Variants in PRKAR1A observed in about 807,000 individuals in gnomAD.
PRKAR1A encodes the protein protein kinase cAMP-dependent type I regulatory subunit alpha, also known as cAMP-dependent protein kinase type I-alpha regulatory subunit.
PRKAR1A carries 3 observed loss-of-function variants against 52.0 expected under a neutral mutation model. The ratio of observed to expected loss-of-function variants is 0.06; its 90% CI spans 0.03 to 0.15. PRKAR1A has a LOEUF of 0.15. Among genes scored for constraint, PRKAR1A ranks in the 10% least tolerant of loss-of-function variants. The probability of loss-of-function intolerance (pLI) is 1.00; values close to 1 mark genes in which losing one functional copy is unlikely to be tolerated. For synonymous variants in PRKAR1A, 188 were observed against 168.4 expected (o/e 1.12, Z -0.90); for missense variants, 240 against 477.4 (o/e 0.50, Z 4.63).
At chr17:68,416,883 T>G in the PRKAR1A span, among the ~76,000 whole-genome samples, 2 of 152,328 alleles carry the variant, frequency 1.3e-5, no homozygotes, top group African/African-American at 4.8e-5. Flanking sequence ...CTTGTATTGA[T>G]TTTTGGATTT....
the PRKAR1A span, chr17:68,427,208 G>GAGGTC: frequency 6.2e-7 from 1 of 1,614,212 alleles, no homozygotes; most frequent in Non-Finnish European, 8.5e-7. Context: ...AGGAAGGTCT[G>GAGGTC]AGGTCATTTT....
chr17:68,521,953 T>A (rs1192569047), intron 2 of PRKAR1A, among the ~76,000 whole-genome samples: 3 of 152,238 alleles, frequency 2.0e-5, no homozygotes, highest in Non-Finnish European at 4.4e-5. Flanking sequence ...AAAAGGAATG[T>A]TTAATAGTTT....
the PRKAR1A span, among the ~76,000 whole-genome samples, chr17:68,454,163 C>T: frequency 1.3e-5 from 2 of 152,188 alleles, no homozygotes. Flanking sequence ...AAGTAAACAT[C>T]AAAGTCAACT....
chr17:68,542,573 C>T lies in PRKAR1A; in HGVS notation c.974-8511C>T, dbSNP rs78241877. 1,141 of 789,738 alleles carry T rather than the reference C, an allele frequency of 1.4e-3. 10 individuals are homozygous for T. In the East Asian group the frequency reaches 0.021, roughly 15 times the overall value. 48.9% of individuals were successfully genotyped at this position (789,738 alleles called of 1,614,324 possible). A position where few individuals can be genotyped will look rare whatever the true frequency, so the allele number is the denominator to read the frequency against. On this transcript the variant is annotated intron_variant, in intron 11 of 11. Coordinates refer to the PRKAR1A transcript ENST00000585981. The stretch of plus-strand genomic sequence containing the variant: ...GGTGGGAGTGTCTTACAACTTCATA[C>T]GCCCATCCCAGTAATGGATAGTGCT...
upstream of PRKAR1A, among the ~76,000 whole-genome samples, chr17:68,509,618 T>C (rs1049608585): frequency 1.3e-5 from 2 of 152,194 alleles, no homozygotes; most frequent in African/African-American, 4.8e-5. Flanking sequence ...GTGGAACAAA[T>C]GTCATTTCTG....
the PRKAR1A span, among the ~76,000 whole-genome samples, chr17:68,414,907 T>C: frequency 6.6e-6 from 1 of 152,200 alleles, no homozygotes; most frequent in Non-Finnish European, 1.5e-5. Context: ...TTGAGTTTAT[T>C]TGGATTTTCT....
chr17:68,533,101 T>C lies in PRKAR1A; in HGVS notation c.*2652T>C. ...AGACTTAATGGGGAAACATCATTTC[T>C]AGATTAGCATACTCTTTGGTTTAAA... On this transcript the variant is annotated 3_prime_UTR_variant, in exon 11 of 11. Coordinates refer to ENST00000589228, the MANE Select transcript of PRKAR1A (RefSeq NM_002734.5). 1 of 1,065,116 alleles carries C rather than the reference T, an allele frequency of 9.4e-7. No individual in the cohort carries two copies. The highest frequency in any genetic ancestry group is 1.1e-6 in the Non-Finnish European group (1 of 879,116). The allele number at this position is 1,065,116 out of a possible 1,614,324, so 66.0% of individuals were successfully genotyped here.
the PRKAR1A span, chr17:68,457,253 C>T: frequency 6.8e-7 from 1 of 1,466,772 alleles, no homozygotes; most frequent in African/African-American, 1.5e-5. Flanking sequence ...CGCCTCGAGG[C>T]GGAAGCCACA....
chr17:68,494,460 T>A, the PRKAR1A span, among the ~76,000 whole-genome samples: 2 of 152,086 alleles, frequency 1.3e-5, no homozygotes, highest in South Asian at 2.1e-4. Flanking sequence ...GAGAATCGCT[T>A]GAACCCAGGA....
At chr17:68,472,833 T>C in the PRKAR1A span, among the ~76,000 whole-genome samples, 1 of 150,348 alleles carries the variant, frequency 6.7e-6, no homozygotes, top group African/African-American at 2.5e-5. Context: ...GTAATTCCAG[T>C]TACCCAGAGG....
At chr17:68,481,536 A>T in the PRKAR1A span, among the ~76,000 whole-genome samples, 1 of 152,208 alleles carries the variant, frequency 6.6e-6, no homozygotes, top group Non-Finnish European at 1.5e-5. Flanking sequence ...TCTTGCTGCT[A>T]TAATAATCTA....
At chr17:68,444,397 C>T in the PRKAR1A span, 3 of 1,121,838 alleles carry the variant, frequency 2.7e-6, no homozygotes, top group Non-Finnish European at 4.0e-6. Flanking sequence ...AAAGCAAACA[C>T]TGCTTCACGT....
chr17:68,471,209 T>G, the PRKAR1A span, among the ~76,000 whole-genome samples: 2 of 152,198 alleles, frequency 1.3e-5, no homozygotes, highest in Non-Finnish European at 2.9e-5. Context: ...CACTTGTGGA[T>G]GCAATACTAT....
chr17:68,483,801 C>T, the PRKAR1A span, among the ~76,000 whole-genome samples: 1 of 150,334 alleles, frequency 6.7e-6, no homozygotes, highest in Non-Finnish European at 1.5e-5. Context: ...GTGGAGGTTG[C>T]GGTGAGCTGA....
chr17:68,421,374 C>CTTAA, the PRKAR1A span: 1 of 170,362 alleles, frequency 5.9e-6, no homozygotes, highest in African/African-American at 2.4e-5. Context: ...CTTTGCCTGG[C>CTTAA]TAAAAGAGTC....
At chr17:68,540,789 G>T in intron 11 of PRKAR1A, 1 of 1,551,654 alleles carries the variant, frequency 6.4e-7, no homozygotes, top group South Asian at 1.2e-5. Context: ...CAAGGTCACG[G>T]GGAACCCTAG....
At chr17:68,509,922 C>T (rs1031795911), upstream of PRKAR1A, among the ~76,000 whole-genome samples, 7 of 152,136 alleles carry the variant, frequency 4.6e-5, no homozygotes, top group African/African-American at 1.7e-4. Context: ...AGCCAGGACT[C>T]AGCAAGGAAG....
chr17:68,436,030 C>T, the PRKAR1A span, among the ~76,000 whole-genome samples: 2 of 152,234 alleles, frequency 1.3e-5, no homozygotes, highest in East Asian at 1.9e-4. Context: ...AATCTTGTCC[C>T]GCTCAGGGAT....
chr17:68,511,402 T>A (rs2085262428), upstream of PRKAR1A, among the ~76,000 whole-genome samples: 1 of 151,954 alleles, frequency 6.6e-6, no homozygotes, highest in African/African-American at 2.4e-5. Flanking sequence ...AAAAAAAAAA[T>A]GGCTGAAAGA....
Sources: gnomAD v4.1 joint callset for allele counts (sites outside exome capture counted in the v4.1 genomes callset) on GRCh38, gnomAD v4.1.1 for gene constraint, MANE v1.5 for transcripts, NCBI Gene and HGNC (gene_info 2026-07-23, HGNC 2026-07-21) for gene names.